DPP10: variants seen among roughly 807,000 people sequenced by gnomAD.
DPP10 encodes the protein dipeptidyl peptidase like 10.
Under a neutral mutation model 120.9 loss-of-function variants are expected in DPP10, and 33 were observed. That is an observed-to-expected ratio of 0.27 (90% CI 0.21 to 0.37). DPP10 has a LOEUF of 0.37. Ranked by LOEUF, DPP10 falls within the 10% of genes least tolerant of loss-of-function variation. The pLI is 1.00. For synonymous variants in DPP10, 337 were observed against 326.1 expected (o/e 1.03, Z -0.36); for missense variants, 816 against 942.8 (o/e 0.87, Z 1.76).
intron 5 of DPP10, among the ~76,000 whole-genome samples, chr2:115,666,496 A>G (rs1194991988): frequency 1.3e-5 from 2 of 152,170 alleles, no homozygotes; most frequent in Non-Finnish European, 2.9e-5. Flanking sequence ...GGGAATTGCA[A>G]TTCAAGATGA....
chr2:115,352,342 G>T (rs2064088747), intron 3 of DPP10, among the ~76,000 whole-genome samples: 1 of 152,154 alleles, frequency 6.6e-6, no homozygotes, highest in South Asian at 2.1e-4. Context: ...TCATATATGT[G>T]CTCTGCACAG....
At chr2:114,558,366 T>C (rs1336364580) in intron 1 of DPP10, among the ~76,000 whole-genome samples, 3 of 152,210 alleles carry the variant, frequency 2.0e-5, no homozygotes, top group African/African-American at 7.2e-5. Context: ...GAGTTTTTAT[T>C]TGTCTCAGTG....
At chr2:115,384,522 A>G (rs1376059078) in intron 3 of DPP10, among the ~76,000 whole-genome samples, 1 of 142,796 alleles carries the variant, frequency 7.0e-6, no homozygotes, top group Non-Finnish European at 1.5e-5. Context: ...AAGGAAGAAG[A>G]GGAAGAAGAA....
intron 2 of DPP10, among the ~76,000 whole-genome samples, chr2:115,338,315 T>A (rs887619029): frequency 1.3e-5 from 2 of 152,156 alleles, no homozygotes; most frequent in African/African-American, 4.8e-5. Flanking sequence ...ATTTATGTAA[T>A]TTTTATATCA....
At chr2:114,945,403 A>C (rs1697269891) in intron 1 of DPP10, among the ~76,000 whole-genome samples, 2 of 152,212 alleles carry the variant, frequency 1.3e-5, no homozygotes, top group African/African-American at 2.4e-5. Flanking sequence ...GGAAACAATC[A>C]ATTTTTTTAA....
chr2:115,186,502 G>GCT (rs2054448492), intron 1 of DPP10, among the ~76,000 whole-genome samples: 1 of 152,154 alleles, frequency 6.6e-6, no homozygotes, highest in Non-Finnish European at 1.5e-5. Context: ...ATCCTTGGTG[G>GCT]TAGTAGTGGA....
At chr2:115,596,309 C>T (rs35366253) in intron 5 of DPP10, among the ~76,000 whole-genome samples, 29,057 of 152,078 alleles carry the variant, frequency 0.19, 3,689 homozygotes, top group East Asian at 0.39. Context: ...CTTTCAAAAA[C>T]TCTTAATTTA....
At chr2:114,937,937 A>G (rs568176003) in intron 1 of DPP10, among the ~76,000 whole-genome samples, 36 of 152,330 alleles carry the variant, frequency 2.4e-4, no homozygotes, top group South Asian at 1.0e-3. Context: ...AAGTCTCTTC[A>G]TGTATATTTC....
At chr2:114,492,979 C>T (rs7596077) in intron 1 of DPP10, among the ~76,000 whole-genome samples, 4,765 of 152,222 alleles carry the variant, frequency 0.031, 251 homozygotes, top group African/African-American at 0.11. Context: ...GACACTAAGA[C>T]AAGCACACAG....
chr2:114,698,167 C>T (rs116118394), intron 1 of DPP10, among the ~76,000 whole-genome samples: 4,037 of 152,116 alleles, frequency 0.027, 94 homozygotes, highest in Middle Eastern at 0.054. Flanking sequence ...CTTATAACAT[C>T]ATTAACATAA....
chr2:115,688,258 C>T (rs1266102763), intron 5 of DPP10, among the ~76,000 whole-genome samples: 1 of 152,148 alleles, frequency 6.6e-6, no homozygotes, highest in East Asian at 1.9e-4. Flanking sequence ...GGAGCGGGAG[C>T]ATAAAGCTTC....
At chr2:115,614,333 T>C (rs182332545) in intron 5 of DPP10, among the ~76,000 whole-genome samples, 21 of 152,320 alleles carry the variant, frequency 1.4e-4, no homozygotes, top group African/African-American at 4.3e-4. Flanking sequence ...ACCCAGTTAT[T>C]TTGACTGCAC....
intron 15 of DPP10, among the ~76,000 whole-genome samples, chr2:115,778,065 C>A (rs896419553): frequency 3.1e-4 from 47 of 152,072 alleles, no homozygotes; most frequent in African/African-American, 1.1e-3. Context: ...CTTTTCTTCA[C>A]CTGCTTTTGC....
intron 5 of DPP10, among the ~76,000 whole-genome samples, chr2:115,661,614 T>G (rs943731460): frequency 1.3e-5 from 2 of 152,220 alleles, no homozygotes; most frequent in African/African-American, 2.4e-5. Context: ...ACAGCCAGTT[T>G]CATGGTGTGG....
intron 1 of DPP10, among the ~76,000 whole-genome samples, chr2:114,603,839 G>T (rs1228065577): frequency 6.6e-6 from 1 of 152,040 alleles, no homozygotes; most frequent in Admixed American, 6.6e-5. Flanking sequence ...AAGGAGTGTT[G>T]TGGGTCCCCA....
chr2:114,912,293 G>A (rs776633567), intron 1 of DPP10, among the ~76,000 whole-genome samples: 2 of 152,098 alleles, frequency 1.3e-5, no homozygotes, highest in Non-Finnish European at 2.9e-5. Context: ...TATAACCACT[G>A]TGATTCATAT....
At chr2:114,963,992 T>C (rs942013471) in intron 1 of DPP10, among the ~76,000 whole-genome samples, 1 of 152,172 alleles carries the variant, frequency 6.6e-6, no homozygotes, top group Non-Finnish European at 1.5e-5. Context: ...GAGTTCTTTA[T>C]GGTTGAAGAA....
chr2:115,824,553 T>C (rs1212735913), intron 21 of DPP10, among the ~76,000 whole-genome samples: 3 of 152,194 alleles, frequency 2.0e-5, no homozygotes, highest in Non-Finnish European at 4.4e-5. Context: ...CTCCCACTTA[T>C]GAGTGAGAAC....
intron 4 of DPP10, among the ~76,000 whole-genome samples, chr2:115,511,006 A>G (rs985010751): frequency 1.3e-5 from 2 of 152,048 alleles, no homozygotes; most frequent in African/African-American, 4.8e-5. Flanking sequence ...ACATTGCTGT[A>G]TTTGTTTAGT....
Sources: gnomAD v4.1 joint callset for allele counts (sites outside exome capture counted in the v4.1 genomes callset) on GRCh38, gnomAD v4.1.1 for gene constraint, MANE v1.5 for transcripts, NCBI Gene and HGNC (gene_info 2026-07-23, HGNC 2026-07-21) for gene names.